The following MYO16 variants were observed in gnomAD, a reference collection of about 807,000 sequenced individuals.
The protein encoded by MYO16 is unconventional myosin-XVI.
In MYO16, 94 loss-of-function variants were observed where a neutral mutation model predicts 205.3. The observed-to-expected ratio is 0.46, with a 90% CI of 0.39 to 0.54. The LOEUF is 0.54. Ranked by LOEUF, MYO16 falls within the 20% of genes least tolerant of loss-of-function variation. The pLI is 0.00. For missense variants in MYO16, 2,315 were observed against 2,387.5 expected (o/e 0.97, Z 0.63); for synonymous variants, 988 against 954.0 (o/e 1.04, Z -0.66).
intron 4 of MYO16, among the ~76,000 whole-genome samples, chr13:108,741,278 C>A (rs946819305): frequency 1.3e-5 from 2 of 152,138 alleles, no homozygotes; most frequent in Non-Finnish European, 2.9e-5. Flanking sequence ...CTTGGAACCA[C>A]CCCCTATAAT....
chr13:108,715,552 G>T (rs1376154920), intron 3 of MYO16, among the ~76,000 whole-genome samples: 1 of 152,214 alleles, frequency 6.6e-6, no homozygotes, highest in Non-Finnish European at 1.5e-5. Context: ...ACTCGGAGAT[G>T]CTCAGTAGAT....
chr13:108,768,600 T>C (rs542531607), intron 4 of MYO16, among the ~76,000 whole-genome samples: 4 of 152,312 alleles, frequency 2.6e-5, no homozygotes, highest in South Asian at 2.1e-4. Context: ...GATCTTAATA[T>C]GCTAACATGC....
intron 27 of MYO16, among the ~76,000 whole-genome samples, chr13:109,062,526 T>C (rs945678486): frequency 9.2e-5 from 14 of 152,152 alleles, no homozygotes; most frequent in Admixed American, 7.2e-4. Flanking sequence ...CTCTTTCTTA[T>C]CTTTATCTGT....
At chr13:108,664,079 C>A (rs944371680) in intron 1 of MYO16, among the ~76,000 whole-genome samples, 3 of 152,164 alleles carry the variant, frequency 2.0e-5, no homozygotes, top group African/African-American at 7.2e-5. Context: ...GTTTCAGAAC[C>A]ACTGTTGTCT....
the MYO16 span, among the ~76,000 whole-genome samples, chr13:108,534,559 T>C: frequency 6.6e-6 from 1 of 152,138 alleles, no homozygotes; most frequent in Non-Finnish European, 1.5e-5. Context: ...GTTTTTTTTT[T>C]CCAATTCTAC....
In MYO16 at chr13:109,136,635, T is replaced by C. The variant is rs919598; in HGVS notation, c.4052-3629T>C. On this transcript the variant is annotated intron_variant, in intron 31 of 34. Coordinates refer to ENST00000457511, the MANE Select transcript of MYO16 (RefSeq NM_001198950.3). ...CATTTTCTGTTTTCTATTTTCCACA[T>C]GACTGTAGGTGAGATACTATTGCTA... 7.0e-3 allele frequency among the ~76,000 whole-genome samples: 1,064 copies of C among 152,302 alleles called. 8 individuals carry two copies. The highest frequency in any genetic ancestry group is 0.024 in the African/African-American group (1,013 of 41,566).
In MYO16 at chr13:109,100,826, A is replaced by T; in HGVS notation, c.3377A>T (p.Glu1126Val). 1.2e-6 allele frequency: 2 copies of T among 1,613,770 alleles called. No individual in the cohort carries two copies. The highest frequency in any genetic ancestry group is 1.7e-6 in the Non-Finnish European group (2 of 1,179,688). The change falls in exon 28 of 35, where the codon GAA (glutamate) becomes GTA (valine). Residue 1126 changes from glutamate (E) to valine (V), a missense_variant. By Grantham distance (121) the Glu-to-Val change is moderately radical. Coordinates refer to ENST00000457511, the MANE Select transcript of MYO16 (RefSeq NM_001198950.3). ...LADTFLREKK[E>V]QSAAERCRLV... ...GATACATTCCTGCGTGAGAAGAAGGAACAGTCAGCTGCCGAGCGATGTCGA... is the reference window on the plus strand; with the variant it reads ...GATACATTCCTGCGTGAGAAGAAGGTACAGTCAGCTGCCGAGCGATGTCGA...
At chr13:108,935,650 T>C (rs1371444762) in intron 16 of MYO16, among the ~76,000 whole-genome samples, 1 of 152,146 alleles carries the variant, frequency 6.6e-6, no homozygotes, top group African/African-American at 2.4e-5. Context: ...TCTGGTACTA[T>C]GAAGTCCTAG....
intron 4 of MYO16, among the ~76,000 whole-genome samples, chr13:108,782,947 G>A (rs1289514840): frequency 2.0e-5 from 3 of 152,202 alleles, no homozygotes; most frequent in Admixed American, 6.5e-5. Flanking sequence ...CTGCAGGGGC[G>A]AGGCCCTCAT....
chr13:108,954,316 C>T (rs552731243), intron 16 of MYO16, among the ~76,000 whole-genome samples: 3 of 152,112 alleles, frequency 2.0e-5, no homozygotes, highest in East Asian at 3.9e-4. Flanking sequence ...AAACAAGTGG[C>T]CCCTCAATGG....
intron 16 of MYO16, among the ~76,000 whole-genome samples, chr13:108,949,361 C>T (rs184700745): frequency 4.9e-4 from 75 of 152,182 alleles, no homozygotes; most frequent in African/African-American, 3.6e-4. Context: ...GAGATCAGTG[C>T]GCAAAATCAA....
At chr13:109,184,744 G>A (rs1156240886) in intron 34 of MYO16, among the ~76,000 whole-genome samples, 6 of 151,326 alleles carry the variant, frequency 4.0e-5, no homozygotes, top group Admixed American at 2.6e-4. Flanking sequence ...TTACAGGCGC[G>A]TGCCACCACA....
At chr13:108,559,471 T>C in the MYO16 span, among the ~76,000 whole-genome samples, 2 of 41,056 alleles carry the variant, frequency 4.9e-5, no homozygotes, top group Non-Finnish European at 1.3e-4. Context: ...TTTTCTTTTC[T>C]TTTTTTTTTT....
intron 4 of MYO16, among the ~76,000 whole-genome samples, chr13:108,759,712 T>G (rs563104355): frequency 1.3e-5 from 2 of 151,194 alleles, no homozygotes; most frequent in Admixed American, 6.6e-5. Context: ...TCCCAGCTAC[T>G]CCGGAGGCTA....
At position 108,693,320 on chromosome 13, in the gene MYO16, A is replaced by T. The variant is rs143691044; in HGVS notation, c.293-19341A>T. 1.6e-3 allele frequency among the ~76,000 whole-genome samples: 237 copies of T among 152,252 alleles called. 2 individuals carry two copies. Among genetic ancestry groups the T allele is most frequent in the African/African-American group, 5.1e-3 (212 of 41,540 alleles). On this transcript the variant is annotated intron_variant, in intron 2 of 34. Coordinates refer to ENST00000457511, the MANE Select transcript of MYO16 (RefSeq NM_001198950.3). The stretch of plus-strand genomic sequence containing the variant: ...TGGAGAATGTTGTGCGTCCATCACC[A>T]CTATCTGGCCCCAGGACATTTTCAT...
intron 16 of MYO16, among the ~76,000 whole-genome samples, chr13:108,914,637 A>G (rs1054613038): frequency 1.3e-5 from 2 of 152,184 alleles, no homozygotes; most frequent in Admixed American, 6.5e-5. Flanking sequence ...CAGAGAGAAG[A>G]AAACATTGCT....
intron 1 of MYO16, among the ~76,000 whole-genome samples, chr13:108,640,532 A>G (rs980564349): frequency 6.6e-6 from 1 of 152,200 alleles, no homozygotes; most frequent in Non-Finnish European, 1.5e-5. Flanking sequence ...GAGGAAACAC[A>G]TGAGCAGTGT....
intron 3 of MYO16, among the ~76,000 whole-genome samples, chr13:108,726,514 G>A (rs565750534): frequency 9.3e-5 from 14 of 150,876 alleles, no homozygotes; most frequent in African/African-American, 3.2e-4. Context: ...AGCTGAGATC[G>A]CGCCACTGCA....
At chr13:108,517,842 C>A in the MYO16 span, among the ~76,000 whole-genome samples, 1 of 152,276 alleles carries the variant, frequency 6.6e-6, no homozygotes, top group South Asian at 2.1e-4. Context: ...GAAAAGGCAC[C>A]AGCAGATTTG....
Sources: gnomAD v4.1 joint callset for allele counts (sites outside exome capture counted in the v4.1 genomes callset) on GRCh38, gnomAD v4.1.1 for gene constraint, MANE v1.5 for transcripts, NCBI Gene and HGNC (gene_info 2026-07-23, HGNC 2026-07-21) for gene names.